Variants in SPAG16 observed in about 807,000 individuals in gnomAD.
SPAG16 encodes the protein sperm-associated antigen 16 protein.
A neutral mutation model predicts 80.4 loss-of-function variants in SPAG16; 86 were observed. The ratio of observed to expected loss-of-function variants is 1.07; its 90% CI spans 0.90 to 1.28. SPAG16 has a LOEUF of 1.28. Among genes scored for constraint, SPAG16 ranks in the 50% most tolerant of loss-of-function variants. The pLI, the probability that SPAG16 is intolerant of heterozygous loss-of-function variation, is 0.00. For synonymous variants in SPAG16, 294 were observed against 265.9 expected (o/e 1.11, Z -1.03); for missense variants, 870 against 765.3 (o/e 1.14, Z -1.61).
chr2:213,843,177 A>G (rs1024631946), intron 10 of SPAG16, among the ~76,000 whole-genome samples: 15 of 152,042 alleles, frequency 9.9e-5, no homozygotes, highest in Admixed American at 2.0e-4. Context: ...GGTTAGTTAC[A>G]TATGTGCCAT....
At chr2:213,426,357 T>C (rs1051050410) in intron 9 of SPAG16, among the ~76,000 whole-genome samples, 2 of 151,988 alleles carry the variant, frequency 1.3e-5, no homozygotes, top group African/African-American at 4.8e-5. Flanking sequence ...TTTGAGATTA[T>C]TGAAATGAGC....
At chr2:213,793,977 A>G (rs1361440018) in intron 10 of SPAG16, among the ~76,000 whole-genome samples, 1 of 152,170 alleles carries the variant, frequency 6.6e-6, no homozygotes, top group East Asian at 1.9e-4. Context: ...GAATTTAACC[A>G]CGTCTTTTGT....
chr2:213,443,580 C>G (rs1187813792), intron 9 of SPAG16, among the ~76,000 whole-genome samples: 1 of 151,996 alleles, frequency 6.6e-6, no homozygotes, highest in African/African-American at 2.4e-5. Flanking sequence ...GTTTCCATAT[C>G]TTTGTTATTG....
chr2:213,350,878 CT>C (rs2065286838), intron 7 of SPAG16, among the ~76,000 whole-genome samples: 1 of 151,868 alleles, frequency 6.6e-6, no homozygotes, highest in Admixed American at 6.6e-5. Context: ...AATCCCAGCA[CT>C]TTGGGAGACC....
At chr2:213,575,925 T>A (rs983121975) in intron 10 of SPAG16, among the ~76,000 whole-genome samples, 6 of 152,188 alleles carry the variant, frequency 3.9e-5, no homozygotes, top group African/African-American at 1.4e-4. Flanking sequence ...GATTCCTATG[T>A]TTTTCATACT....
chr2:214,388,871 C>A (rs1033284114), intron 15 of SPAG16, among the ~76,000 whole-genome samples: 2 of 152,118 alleles, frequency 1.3e-5, no homozygotes, highest in Admixed American at 6.5e-5. Flanking sequence ...ACTTTCTTTT[C>A]TGAGAACATT....
At chr2:214,128,535 A>G (rs139042713) in intron 14 of SPAG16, among the ~76,000 whole-genome samples, 1,781 of 151,932 alleles carry the variant, frequency 0.012, 23 homozygotes, top group Non-Finnish European at 0.019. Context: ...TGCCAAAATC[A>G]ATTAATATGC....
At chr2:213,842,628 A>G (rs1488042264) in intron 10 of SPAG16, among the ~76,000 whole-genome samples, 2 of 152,214 alleles carry the variant, frequency 1.3e-5, no homozygotes, top group African/African-American at 4.8e-5. Flanking sequence ...CTATCAGTGC[A>G]TTGAAAAATG....
intron 10 of SPAG16, among the ~76,000 whole-genome samples, chr2:213,725,861 A>G (rs10174840): frequency 0.93 from 141,192 of 152,246 alleles, 66,440 homozygotes; most frequent in East Asian, 1. Flanking sequence ...AGGGGAAGAC[A>G]TAGCTGGCTG....
intron 12 of SPAG16, among the ~76,000 whole-genome samples, chr2:213,948,121 C>G (rs2079553920): frequency 6.6e-6 from 1 of 152,062 alleles, no homozygotes; most frequent in Non-Finnish European, 1.5e-5. Flanking sequence ...CCTGTAGGCT[C>G]TTCTCCAGCA....
chr2:214,053,289 C>A (rs1238086584), intron 13 of SPAG16, among the ~76,000 whole-genome samples: 1 of 152,114 alleles, frequency 6.6e-6, no homozygotes, highest in South Asian at 2.1e-4. Context: ...TATATTAAAT[C>A]TTCTTAACTA....
At chr2:213,874,777 T>C (rs1053050049) in intron 11 of SPAG16, among the ~76,000 whole-genome samples, 1 of 152,028 alleles carries the variant, frequency 6.6e-6, no homozygotes, top group Non-Finnish European at 1.5e-5. Flanking sequence ...TGGCCAAAGC[T>C]CAGAGGGAGG....
intron 15 of SPAG16, among the ~76,000 whole-genome samples, chr2:214,218,882 G>T (rs558803867): frequency 6.6e-6 from 1 of 152,280 alleles, no homozygotes; most frequent in East Asian, 1.9e-4. Context: ...GGCCACTCTT[G>T]TTGGGTGAAC....
At chr2:213,410,988 T>C (rs2125394089) in intron 9 of SPAG16, among the ~76,000 whole-genome samples, 1 of 152,314 alleles carries the variant, frequency 6.6e-6, no homozygotes, top group East Asian at 1.9e-4. Context: ...AAACCTAGTG[T>C]TCCTTAGAGA....
Position 213,351,968 on chromosome 2 carries a change from G to A in SPAG16, c.762+1323G>A, listed in dbSNP as rs192986644. 2.4e-3 allele frequency among the ~76,000 whole-genome samples: 362 copies of A among 152,102 alleles called. 1 individual carries two copies. Among genetic ancestry groups the A allele is most frequent in the Non-Finnish European group, 4.3e-3 (291 of 67,978 alleles). On this transcript the variant is annotated intron_variant, in intron 7 of 15. Transcript: ENST00000331683. ...TGGAGGTAACTGAATCATGGGGGTG[G>A]TTTCTCCCATGCTATTCTCATGATA...
chr2:214,081,537 G>A (rs1398923354), intron 13 of SPAG16, among the ~76,000 whole-genome samples: 1 of 152,184 alleles, frequency 6.6e-6, no homozygotes, highest in Non-Finnish European at 1.5e-5. Flanking sequence ...TTGTAATGCT[G>A]CATCTACAAG....
chr2:214,190,801 C>T (rs1459669793), intron 15 of SPAG16, among the ~76,000 whole-genome samples: 3 of 152,076 alleles, frequency 2.0e-5, no homozygotes, highest in Non-Finnish European at 2.9e-5. Context: ...CAGGAAGGCG[C>T]CCTCACCAGA....
intron 10 of SPAG16, among the ~76,000 whole-genome samples, chr2:213,688,757 A>G (rs1284723740): frequency 6.6e-6 from 1 of 151,866 alleles, no homozygotes; most frequent in Non-Finnish European, 1.5e-5. Flanking sequence ...TTCAGTTTGT[A>G]TTGTTTTGAA....
intron 15 of SPAG16, among the ~76,000 whole-genome samples, chr2:214,303,566 T>C (rs1214452919): frequency 3.9e-5 from 6 of 152,200 alleles, no homozygotes; most frequent in Non-Finnish European, 8.8e-5. Context: ...TTCTTTCACA[T>C]TGACCTTAGA....
Sources: gnomAD v4.1 joint callset for allele counts (sites outside exome capture counted in the v4.1 genomes callset) on GRCh38, gnomAD v4.1.1 for gene constraint, MANE v1.5 for transcripts, NCBI Gene and HGNC (gene_info 2026-07-23, HGNC 2026-07-21) for gene names.